ACOT7: variants seen among roughly 807,000 people sequenced by gnomAD.
The protein encoded by ACOT7 is cytosolic acyl coenzyme A thioester hydrolase.
In ACOT7, 12 loss-of-function variants were observed where a neutral mutation model predicts 40.2. The observed-to-expected ratio is 0.30, with a 90% CI of 0.19 to 0.48. The LOEUF (loss-of-function observed/expected upper bound fraction) is 0.48. Among genes scored for constraint, ACOT7 ranks in the 20% least tolerant of loss-of-function variants. The pLI is 0.99. For synonymous variants in ACOT7, 228 were observed against 219.5 expected (o/e 1.04, Z -0.34); for missense variants, 395 against 530.8 (o/e 0.74, Z 2.51).
intron 7 of ACOT7, among the ~76,000 whole-genome samples, chr1:6,292,053 AAAC>A (rs1191987261): frequency 6.6e-6 from 1 of 152,216 alleles, no homozygotes; most frequent in Non-Finnish European, 1.5e-5. Context: ...ATCCTCTGGA[AAAC>A]AACACACGAG....
At chr1:6,368,491 T>C (rs943865098) in intron 1 of ACOT7, among the ~76,000 whole-genome samples, 2 of 152,132 alleles carry the variant, frequency 1.3e-5, no homozygotes, top group Non-Finnish European at 2.9e-5. Context: ...CAGGCCCAGC[T>C]CCACCTTGGG....
At chr1:6,324,049 A>C (rs1014497237) in intron 5 of ACOT7, among the ~76,000 whole-genome samples, 2 of 151,772 alleles carry the variant, frequency 1.3e-5, no homozygotes, top group African/African-American at 4.8e-5. Flanking sequence ...ACATACGCAC[A>C]CTCTTCTCCC....
chr1:6,320,539 G>T (rs1465798937), intron 5 of ACOT7, among the ~76,000 whole-genome samples: 1 of 152,202 alleles, frequency 6.6e-6, no homozygotes, highest in Non-Finnish European at 1.5e-5. Flanking sequence ...TTAATGGGTA[G>T]CTTTGAAGGT....
At chr1:6,368,860 T>C (rs2148471907) in intron 1 of ACOT7, among the ~76,000 whole-genome samples, 1 of 152,136 alleles carries the variant, frequency 6.6e-6, no homozygotes, top group East Asian at 1.9e-4. Context: ...CCACCACTGC[T>C]TGCACCACCC....
intron 7 of ACOT7, among the ~76,000 whole-genome samples, chr1:6,287,208 T>C (rs1415729742): frequency 4.6e-5 from 7 of 152,200 alleles, no homozygotes; most frequent in Admixed American, 4.6e-4. Flanking sequence ...ATGTAATCAA[T>C]GAGGGTCAAG....
intron 1 of ACOT7, among the ~76,000 whole-genome samples, chr1:6,378,965 G>A (rs959857530): frequency 6.6e-6 from 1 of 151,536 alleles, no homozygotes; most frequent in Non-Finnish European, 1.5e-5. Context: ...GCGCAATCTC[G>A]GCTCACTGCA....
rs76950865 is a variant in ACOT7 at position 6,278,318 on chromosome 1, G to A, written c.1014+2784C>T. On this transcript the variant is annotated intron_variant, in intron 8 of 8. Transcript: ENST00000361521. This position sits in a 1 kb window ranked among gnomAD's most constrained non-coding sequence, Gnocchi z 4.1. ...ATTTCGGTGGGAGAGGGAGCAACTC[G>A]GATTTTGATGACCAGTTTCCTGGGC... is the stretch of plus-strand genomic sequence containing the variant. Among the ~76,000 whole-genome samples the A allele has an allele frequency of 0.016, 2,500 of 152,098 alleles. 60 individuals carry two copies. Among genetic ancestry groups the A allele is most frequent in the African/African-American group, 0.058 (2,397 of 41,446 alleles).
At chr1:6,366,360 ATCGCTTGTGCCCAGGAGT>A (rs1045238239) in intron 1 of ACOT7, among the ~76,000 whole-genome samples, 25 of 152,030 alleles carry the variant, frequency 1.6e-4, no homozygotes, top group African/African-American at 6.0e-4. Flanking sequence ...AGGTGGGAGA[ATCGCTTGTGCCCAGGAGT>A]TCCAGACCAG....
intron 8 of ACOT7, among the ~76,000 whole-genome samples, chr1:6,266,834 T>G (rs988191982): frequency 6.6e-6 from 1 of 152,122 alleles, no homozygotes; most frequent in African/African-American, 2.4e-5. Flanking sequence ...AGCTGTAGGG[T>G]GGGCATGGGG....
chr1:6,336,639 C>T lies in ACOT7; in HGVS notation c.418+2794G>A, dbSNP rs147749155. On this transcript the variant is annotated intron_variant, in intron 3 of 8. Transcript: ENST00000361521. ...GCTTATGACTCAGCCTGCTCCGGGC[C>T]AGGGTCCCCGCGCGCATCCTCTGCC... 9.9e-5 allele frequency among the ~76,000 whole-genome samples: 15 copies of T among 152,258 alleles called. No individual in the cohort carries two copies. The East Asian group carries it at 2.7e-3, about 28-fold the overall frequency.
chr1:6,378,201 G>T lies in ACOT7; in HGVS notation c.143+15056C>A, dbSNP rs768871236. Among the ~76,000 whole-genome samples the T allele has an allele frequency of 1.2e-4, 18 of 147,158 alleles. 1 individual carries two copies. Among genetic ancestry groups the T allele is most frequent in the Non-Finnish European group, 2.2e-4 (14 of 64,984 alleles). ...GGGTGCCCGAGAGGTAGTGGCTCAA[G>T]GTAAGACTGGAACTGGTGGCCTGGA... On this transcript the variant is annotated intron_variant, in intron 1 of 8. Coordinates refer to ENST00000361521, the MANE Select transcript of ACOT7 (RefSeq NM_007274.4).
At chr1:6,285,447 G>C (rs1435837066) in intron 7 of ACOT7, among the ~76,000 whole-genome samples, 1 of 152,236 alleles carries the variant, frequency 6.6e-6, no homozygotes, top group Non-Finnish European at 1.5e-5. Context: ...GAGCCTGGGG[G>C]CAGTCACGTG....
chr1:6,375,240 G>C (rs931127256), intron 1 of ACOT7, among the ~76,000 whole-genome samples: 14 of 148,402 alleles, frequency 9.4e-5, no homozygotes, highest in Non-Finnish European at 1.8e-4. Flanking sequence ...TCCAGCCTGG[G>C]CGACAGAGCG....
chr1:6,393,147 G>A, intron 1 of ACOT7, 110 bp downstream of exon 1: 1 of 1,138,546 alleles, frequency 8.8e-7, no homozygotes, highest in Non-Finnish European at 1.1e-6. Context: ...CGGGGAATCG[G>A]CGGGCGGGGG....
intron 1 of ACOT7, among the ~76,000 whole-genome samples, chr1:6,365,070 G>A (rs1274818680): frequency 6.6e-6 from 1 of 152,142 alleles, no homozygotes; most frequent in Non-Finnish European, 1.5e-5. Flanking sequence ...GCAACCATGT[G>A]GATGAATCTC....
chr1:6,277,155 T>G (rs1367563538), intron 8 of ACOT7, among the ~76,000 whole-genome samples: 2 of 152,172 alleles, frequency 1.3e-5, no homozygotes, highest in Non-Finnish European at 1.5e-5. Context: ...GTGGGGAACG[T>G]GAGGCACAGA....
intron 8 of ACOT7, 124 bp downstream of exon 8, chr1:6,280,978 C>T (rs970549394): frequency 7.4e-7 from 1 of 1,354,488 alleles, no homozygotes; most frequent in African/African-American, 1.4e-5. Flanking sequence ...AGGCCCAGCC[C>T]TACTCTGACC....
At chr1:6,387,197 G>A (rs1009653450) in intron 1 of ACOT7, among the ~76,000 whole-genome samples, 3 of 151,844 alleles carry the variant, frequency 2.0e-5, no homozygotes, top group African/African-American at 7.3e-5. Context: ...AATTTTGGGA[G>A]TTTGGAAATA....
chr1:6,316,374 C>G (rs1259918836), intron 6 of ACOT7, among the ~76,000 whole-genome samples: 4 of 152,188 alleles, frequency 2.6e-5, no homozygotes, highest in Non-Finnish European at 5.9e-5. Context: ...GCTCGTGGGC[C>G]TGGAAGTGCT....
Sources: allele counts gnomAD v4.1 joint callset (sites outside exome capture counted in the v4.1 genomes callset), GRCh38; gene constraint gnomAD v4.1.1; non-coding constraint Gnocchi (gnomAD v3.1); transcripts MANE v1.5; gene names NCBI Gene and HGNC (gene_info 2026-07-23, HGNC 2026-07-21).